The following BRAF variants were observed in gnomAD, a reference collection of about 807,000 sequenced individuals.
BRAF encodes the protein serine/threonine-protein kinase B-raf.
Under a neutral mutation model 104.6 loss-of-function variants are expected in BRAF, and 16 were observed. The observed-to-expected ratio is 0.15, with a 90% CI of 0.10 to 0.23. The LOEUF (loss-of-function observed/expected upper bound fraction) is 0.23. Ranked by LOEUF, BRAF falls within the 10% of genes least tolerant of loss-of-function variation. BRAF has a pLI of 1.00. For missense variants in BRAF, 541 were observed against 937.3 expected (o/e 0.58, Z 5.52); for synonymous variants, 310 against 341.6 (o/e 0.91, Z 1.02).
intron 19 of BRAF, chr7:140,734,257 T>C: frequency 8.2e-7 from 1 of 1,219,220 alleles, no homozygotes; most frequent in Non-Finnish European, 1.0e-6. Flanking sequence ...CTAGTGGACA[T>C]GTGATAGCTG....
intron 14 of BRAF, among the ~76,000 whole-genome samples, chr7:140,766,013 C>T (rs1383207831): frequency 2.7e-5 from 4 of 150,654 alleles, no homozygotes; most frequent in Non-Finnish European, 4.4e-5. Context: ...ATGTTTATTG[C>T]GGCACTATTC....
chr7:140,914,077 CA>C (rs1207546377), intron 1 of BRAF, among the ~76,000 whole-genome samples: 1 of 151,396 alleles, frequency 6.6e-6, no homozygotes, highest in South Asian at 2.1e-4. Context: ...ACATTCAAAA[CA>C]AAAAAAAGAA....
At chr7:140,866,590 T>C (rs1486550487) in intron 1 of BRAF, among the ~76,000 whole-genome samples, 1 of 152,200 alleles carries the variant, frequency 6.6e-6, no homozygotes, top group African/African-American at 2.4e-5. Flanking sequence ...AGGAGACTGA[T>C]GAAATCACAT....
chr7:140,924,549 G>C lies in BRAF; in HGVS notation c.138+17C>G, dbSNP rs756400234. The stretch of plus-strand genomic sequence containing the variant: ...AGCCCGGAGTCGGGAGGGCGGCAGG[G>C]TGGCGCCAGCACTCACCTCCTCCGG... On this transcript the variant is annotated intron_variant, in intron 1 of 19. Coordinates refer to ENST00000644969, the MANE Select transcript of BRAF (RefSeq NM_001374258.1). This position sits in a 1 kb window ranked among gnomAD's most constrained non-coding sequence, Gnocchi z 4.2. 4.9e-5 allele frequency: 75 copies of C among 1,533,374 alleles called. 1 individual carries two copies. The highest frequency in any genetic ancestry group is 4.5e-4 in the South Asian group (38 of 84,076). The allele number at this position is 1,533,374 out of a possible 1,614,324, so 95.0% of individuals were successfully genotyped here. A position where few individuals can be genotyped will look rare whatever the true frequency, so the allele number is the denominator to read the frequency against.
chr7:140,806,715 T>C (rs1293514301), intron 5 of BRAF, among the ~76,000 whole-genome samples: 1 of 152,228 alleles, frequency 6.6e-6, no homozygotes, highest in Non-Finnish European at 1.5e-5. Flanking sequence ...ATTTATCCAC[T>C]TAAAATTCAA....
chr7:140,827,693 G>C (rs376943333), intron 3 of BRAF, among the ~76,000 whole-genome samples: 2 of 152,132 alleles, frequency 1.3e-5, no homozygotes, highest in South Asian at 4.1e-4. Flanking sequence ...CTTTGTTCCA[G>C]AGTGACAAAC....
At chr7:140,729,618 G>A (rs79826682) in intron 19 of BRAF, among the ~76,000 whole-genome samples, 4 of 151,670 alleles carry the variant, frequency 2.6e-5, no homozygotes, top group African/African-American at 4.8e-5. Flanking sequence ...TGTTTCTACT[G>A]GGAAAAAAAA....
At chr7:140,827,352 C>A (rs143623311) in intron 3 of BRAF, among the ~76,000 whole-genome samples, 85 of 152,248 alleles carry the variant, frequency 5.6e-4, no homozygotes, top group Admixed American at 1.1e-3. Context: ...CTGTGCAGTG[C>A]CTGAGTGCTA....
At chr7:140,845,096 G>A (rs1808405437) in intron 2 of BRAF, among the ~76,000 whole-genome samples, 3 of 152,172 alleles carry the variant, frequency 2.0e-5, no homozygotes, top group African/African-American at 7.2e-5. Flanking sequence ...AGAAAGCCCA[G>A]AAATAAACTC....
At chr7:140,861,867 C>T (rs994541633) in intron 1 of BRAF, among the ~76,000 whole-genome samples, 11 of 152,046 alleles carry the variant, frequency 7.2e-5, no homozygotes, top group South Asian at 2.1e-4. Flanking sequence ...AGTGGGAGGG[C>T]GAGAGGGAAA....
chr7:140,906,360 C>G (rs913721822), intron 1 of BRAF, among the ~76,000 whole-genome samples: 2 of 152,058 alleles, frequency 1.3e-5, no homozygotes, highest in South Asian at 4.1e-4. Flanking sequence ...CACCACCACA[C>G]CCAGCTAATT....
At chr7:140,754,377 A>C (rs1480934800) in intron 14 of BRAF, 144 bp from the exon 14 acceptor site, 2 of 720,432 alleles carry the variant, frequency 2.8e-6, no homozygotes, top group Non-Finnish European at 5.0e-6. Flanking sequence ...CCTTCACAGA[A>C]TATTAAAATA....
intron 1 of BRAF, among the ~76,000 whole-genome samples, chr7:140,896,863 C>CAAA (rs766150256): frequency 4.1e-3 from 151 of 36,566 alleles, no homozygotes; most frequent in African/African-American, 7.6e-3. Flanking sequence ...GACTCCATCT[C>CAAA]AAAAAAAAAA....
At chr7:140,790,610 A>G (rs770942974) in intron 8 of BRAF, among the ~76,000 whole-genome samples, 2 of 152,168 alleles carry the variant, frequency 1.3e-5, no homozygotes, top group Non-Finnish European at 2.9e-5. Context: ...GGATTAAATA[A>G]TTTGCCCAAC....
At chr7:140,847,211 T>C (rs981174190) in intron 2 of BRAF, among the ~76,000 whole-genome samples, 1 of 152,090 alleles carries the variant, frequency 6.6e-6, no homozygotes, top group Non-Finnish European at 1.5e-5. Context: ...CTCATTTATA[T>C]GTTCATTGTC....
At position 140,757,626 on chromosome 7, in the gene BRAF, A is replaced by T. The variant is rs141138463; in HGVS notation, c.1815-3393T>A. Among the ~76,000 whole-genome samples the T allele has an allele frequency of 3.3e-3, 496 of 152,328 alleles. 3 individuals are homozygous for T. The highest frequency in any genetic ancestry group is 0.011 in the African/African-American group (474 of 41,574). On this transcript the variant is annotated intron_variant, in intron 14 of 19. Transcript: ENST00000644969. ...TTTTGTAGACATGGTCTATAATTTC[A>T]GATTAAAACTTTAGCTTTCACTAAA...
chr7:140,845,488 CAA>C (rs975776875), intron 2 of BRAF, among the ~76,000 whole-genome samples: 5 of 152,038 alleles, frequency 3.3e-5, no homozygotes, highest in African/African-American at 1.2e-4. Flanking sequence ...CGCTCAATAA[CAA>C]GAACAAAACA....
chr7:140,796,326 G>C (rs1432785004), intron 7 of BRAF, among the ~76,000 whole-genome samples: 1 of 150,346 alleles, frequency 6.7e-6, no homozygotes, highest in East Asian at 1.9e-4. Flanking sequence ...ACTCGCCTGG[G>C]TGACAAAGTG....
At chr7:140,811,631 G>C (rs186061195) in intron 3 of BRAF, among the ~76,000 whole-genome samples, 51 of 152,224 alleles carry the variant, frequency 3.4e-4, no homozygotes, top group East Asian at 3.3e-3. Flanking sequence ...AAAGTAGGCA[G>C]GCTCTCAGTG....
Sources: gnomAD v4.1 joint callset for allele counts (sites outside exome capture counted in the v4.1 genomes callset) on GRCh38, gnomAD v4.1.1 for gene constraint, Gnocchi (gnomAD v3.1) non-coding constraint, MANE v1.5 for transcripts, NCBI Gene and HGNC (gene_info 2026-07-23, HGNC 2026-07-21) for gene names.